SETD2: variants seen among roughly 807,000 people sequenced by gnomAD.
SETD2 encodes histone-lysine N-methyltransferase SETD2.
In SETD2, 31 loss-of-function variants were observed where a neutral mutation model predicts 242.1. That is an observed-to-expected ratio of 0.13 (90% CI 0.10 to 0.17). SETD2 has a LOEUF of 0.17. Among genes scored for constraint, SETD2 ranks in the 10% least tolerant of loss-of-function variants. SETD2 has a pLI of 1.00. For synonymous variants in SETD2, 1,006 were observed against 1,066.5 expected, an observed-to-expected ratio of 0.94 and a Z score of 1.11; for missense variants, 2,481 against 3,046.3, an observed-to-expected ratio of 0.81 and a Z score of 4.37.
intron 6 of SETD2, 119 bp from the exon 7 acceptor site, chr3:47,103,542 C>A: frequency 1.3e-6 from 1 of 762,396 alleles, no homozygotes; most frequent in East Asian, 2.7e-5. Context: ...GCTGCGAAAC[C>A]TAACCAGTTA....
intron 12 of SETD2, among the ~76,000 whole-genome samples, chr3:47,073,178 A>G (rs1451080488): frequency 6.6e-6 from 1 of 151,648 alleles, no homozygotes; most frequent in African/African-American, 2.4e-5. Context: ...CTGTGAGTAA[A>G]CTGTCACTTT....
intron 16 of SETD2, among the ~76,000 whole-genome samples, chr3:47,044,591 C>G (rs28568635): frequency 6.6e-6 from 1 of 152,046 alleles, no homozygotes; most frequent in African/African-American, 2.4e-5. Flanking sequence ...CCATGCTATT[C>G]TGTTTAGTTT....
chr3:47,162,665 AT>A (rs1424017631), intron 1 of SETD2, among the ~76,000 whole-genome samples: 1 of 152,206 alleles, frequency 6.6e-6, no homozygotes, highest in Non-Finnish European at 1.5e-5. Context: ...CTAAGGTAAA[AT>A]GTGTCAAAAC....
chr3:47,036,372 C>T (rs1318265000), intron 18 of SETD2, among the ~76,000 whole-genome samples: 2 of 151,664 alleles, frequency 1.3e-5, no homozygotes, highest in Non-Finnish European at 2.9e-5. Flanking sequence ...CTGGGCAACA[C>T]GATAAAACCT....
intron 14 of SETD2, among the ~76,000 whole-genome samples, chr3:47,058,523 C>T (rs2107580873): frequency 6.9e-6 from 1 of 144,794 alleles, no homozygotes; most frequent in East Asian, 2.0e-4. Context: ...TCACAATAGC[C>T]AAATGTCTCT....
intron 9 of SETD2, among the ~76,000 whole-genome samples, chr3:47,094,899 T>A (rs567172608): frequency 6.6e-6 from 1 of 152,310 alleles, no homozygotes; most frequent in South Asian, 2.1e-4. Context: ...ATCCTGAAAT[T>A]GGCACACTAT....
At chr3:47,039,138 T>A (rs1441220130) in intron 17 of SETD2, among the ~76,000 whole-genome samples, 4 of 152,096 alleles carry the variant, frequency 2.6e-5, no homozygotes, top group African/African-American at 9.7e-5. Context: ...AATATATACA[T>A]GTCTGTTCTT....
chr3:47,120,263 T>G lies in SETD2; in HGVS notation c.4373A>C (p.Gln1458Pro), dbSNP rs2107739663. 6.2e-7 allele frequency: 1 copy of G among 1,608,772 alleles called. No individual in the cohort carries two copies. The highest frequency in any genetic ancestry group is 8.5e-7 in the Non-Finnish European group (1 of 1,178,094). ...TTGCTTGGCACATTCCTTCCATCGC[T>G]GTGGGTCCCTGAAGTCATCCATGAC... ...SCVMDDFRDP[Q>P]RWKECAKQGK... Residue 1458 changes from glutamine (Q) to proline (P), a missense_variant, in exon 3 of 21, where the codon CAG becomes CCG. By Grantham distance (76) the Gln-to-Pro change is moderately conservative. Transcript: ENST00000409792.
chr3:47,134,954 C>T (rs1428812798), intron 1 of SETD2, among the ~76,000 whole-genome samples: 1 of 152,108 alleles, frequency 6.6e-6, no homozygotes, highest in Non-Finnish European at 1.5e-5. Flanking sequence ...TAACACTTAA[C>T]TATAAATATC....
rs2106706233 is a variant in SETD2, at chr3:47,123,539, G to C, written c.1097C>G (p.Pro366Arg). 2 of 1,550,460 alleles carry C rather than the reference G, an allele frequency of 1.3e-6. No individual in the cohort carries two copies. Among genetic ancestry groups the C allele is most frequent in the Non-Finnish European group, 1.7e-6 (2 of 1,146,986 alleles). The change falls in exon 3 of 21, where the codon CCT becomes CGT. Residue 366 changes from proline to arginine, a missense_variant. By Grantham distance (103) the Pro-to-Arg change is moderately radical. Coordinates refer to ENST00000409792, the MANE Select transcript of SETD2 (RefSeq NM_014159.7). Reference protein sequence around the residue: ...APLKSEDLGKPSRSKTDRDDK... With the variant: ...APLKSEDLGKRSRSKTDRDDK... ...ATCTCTGTCTGTTTTAGATCGTGAA[G>C]GTTTCCCTAGATCCTCACTTTTTAA...
chr3:47,043,461 T>G (rs2039375087), intron 16 of SETD2, among the ~76,000 whole-genome samples: 2 of 152,226 alleles, frequency 1.3e-5, no homozygotes, highest in South Asian at 4.1e-4. Flanking sequence ...ACCTTGATCT[T>G]GGACTTCCAG....
intron 15 of SETD2, among the ~76,000 whole-genome samples, chr3:47,051,998 T>C (rs1199930775): frequency 6.6e-6 from 1 of 152,174 alleles, no homozygotes; most frequent in Non-Finnish European, 1.5e-5. Context: ...ACAACAGCAG[T>C]ATCTACTTAT....
intron 12 of SETD2, among the ~76,000 whole-genome samples, chr3:47,078,653 G>A (rs186414976): frequency 1.1e-3 from 171 of 149,732 alleles, no homozygotes; most frequent in Middle Eastern, 6.8e-3. Context: ...GTACACTAAA[G>A]TTACACAGAA....
rs532816691 is a variant in SETD2 at position 47,074,725 on chromosome 3, CT to C, written c.6061-7608del. Among the ~76,000 whole-genome samples the C allele has an allele frequency of 1.4e-4, 19 of 133,770 alleles. No homozygotes were observed. In the East Asian group the frequency reaches 3.3e-3, roughly 23 times the overall value. The allele number at this position is 133,770 out of a possible 152,430, so 87.8% of individuals were successfully genotyped here. On this transcript the variant is annotated intron_variant, in intron 12 of 20. Transcript: ENST00000409792. ...TCTCAACCCAGATATATACACGCCC[CT>C]GTTAGAGAAATTGCTTATATTTATG...
intron 17 of SETD2, among the ~76,000 whole-genome samples, 177 bp downstream of exon 17, chr3:47,042,384 A>T (rs1332679720): frequency 6.6e-6 from 1 of 152,204 alleles, no homozygotes; most frequent in African/African-American, 2.4e-5. Flanking sequence ...AAATACAAAA[A>T]GAACCAAAGT....
At chr3:47,106,300 CCTT>C (rs908661829) in intron 5 of SETD2, among the ~76,000 whole-genome samples, 180 bp from the exon 6 acceptor site, 12 of 151,870 alleles carry the variant, frequency 7.9e-5, no homozygotes, top group African/African-American at 2.4e-4. Context: ...TTACTTTTCT[CCTT>C]CACAGTACTT....
intron 1 of SETD2, chr3:47,127,500 G>C: frequency 2.4e-6 from 1 of 425,246 alleles, no homozygotes; most frequent in Non-Finnish European, 4.7e-6. Flanking sequence ...GGCTAAATTG[G>C]GAGGATCACT....
intron 18 of SETD2, among the ~76,000 whole-genome samples, chr3:47,026,246 C>T (rs1027093803): frequency 2.6e-5 from 4 of 152,090 alleles, no homozygotes; most frequent in Non-Finnish European, 5.9e-5. Context: ...AAATAAAAAC[C>T]ACAATGAGAT....
intron 1 of SETD2, among the ~76,000 whole-genome samples, chr3:47,154,064 A>G (rs1213564484): frequency 6.6e-6 from 1 of 152,096 alleles, no homozygotes; most frequent in Non-Finnish European, 1.5e-5. Flanking sequence ...AAAATCAAAC[A>G]ACTTAACATG....
Sources: allele counts gnomAD v4.1 joint callset (sites outside exome capture counted in the v4.1 genomes callset), GRCh38; gene constraint gnomAD v4.1.1; transcripts MANE v1.5; gene names NCBI Gene and HGNC (gene_info 2026-07-23, HGNC 2026-07-21).